Variants in PLCXD3 observed in about 807,000 individuals in gnomAD.
PLCXD3 encodes phosphatidylinositol specific phospholipase C X domain containing 3.
In PLCXD3, 19 loss-of-function variants were observed where a neutral mutation model predicts 25.5. That is an observed-to-expected ratio of 0.75 (90% CI 0.52 to 1.09). PLCXD3 has a LOEUF of 1.09. PLCXD3 is among the 50% of genes least tolerant of loss of function. The pLI is 0.00. For missense variants in PLCXD3, 411 were observed against 388.1 expected (o/e 1.06, Z -0.50); for synonymous variants, 174 against 137.6 (o/e 1.26, Z -1.85).
intron 1 of PLCXD3, among the ~76,000 whole-genome samples, chr5:41,435,449 G>C (rs1747224976): frequency 6.6e-6 from 1 of 152,164 alleles, no homozygotes; most frequent in Admixed American, 6.5e-5. Context: ...GAGGTTCACG[G>C]AGCACCACCC....
intron 2 of PLCXD3, among the ~76,000 whole-genome samples, chr5:41,338,217 G>A (rs1744038061): frequency 6.6e-6 from 1 of 152,116 alleles, no homozygotes; most frequent in Admixed American, 6.6e-5. Flanking sequence ...AATGCTTCAT[G>A]AGAGATTAAA....
chr5:41,469,077 T>A (rs1309794498), intron 1 of PLCXD3, among the ~76,000 whole-genome samples: 1 of 152,190 alleles, frequency 6.6e-6, no homozygotes, highest in African/African-American at 2.4e-5. Flanking sequence ...TGAGAGGTTT[T>A]ATCATGAATA....
At chr5:41,489,778 T>G (rs1255395018) in intron 1 of PLCXD3, among the ~76,000 whole-genome samples, 1 of 151,724 alleles carries the variant, frequency 6.6e-6, no homozygotes, top group African/African-American at 2.4e-5. Flanking sequence ...TTTTGTACAT[T>G]GATTTTGTAT....
intron 1 of PLCXD3, among the ~76,000 whole-genome samples, chr5:41,457,387 A>G (rs1747776892): frequency 6.6e-6 from 1 of 151,958 alleles, no homozygotes; most frequent in African/African-American, 2.4e-5. Context: ...TTAGCTATCA[A>G]CATGAAGTTC....
At chr5:41,357,043 A>G (rs1218256652) in intron 2 of PLCXD3, among the ~76,000 whole-genome samples, 1 of 152,254 alleles carries the variant, frequency 6.6e-6, no homozygotes, top group African/African-American at 2.4e-5. Context: ...ACCATGTGTA[A>G]GCAGACACGC....
rs149738808 is a variant in PLCXD3 at position 41,397,929 on chromosome 5, G to C, written c.104-15395C>G. On this transcript the variant is annotated intron_variant, in intron 1 of 2. Transcript: ENST00000377801. Reference sequence around the variant, plus strand: ...GGTCAATTTCTCCCTTTTGGAATGGGAGGATTTATCCAATGCCTATTGCAT... The same window carrying C: ...GGTCAATTTCTCCCTTTTGGAATGGCAGGATTTATCCAATGCCTATTGCAT... Among the ~76,000 whole-genome samples the C allele has an allele frequency of 3.7e-4, 57 of 152,320 alleles. No homozygotes were observed. The East Asian group carries it at 7.3e-3, about 20-fold the overall frequency.
intron 1 of PLCXD3, among the ~76,000 whole-genome samples, chr5:41,506,920 A>G (rs187198630): frequency 1.9e-4 from 29 of 152,286 alleles, no homozygotes; most frequent in Admixed American, 1.6e-3. Flanking sequence ...ATTGTGGCCA[A>G]TATTTTATTA....
intron 2 of PLCXD3, 140 bp from the exon 3 acceptor site, chr5:41,313,910 A>C: frequency 1.0e-6 from 1 of 956,558 alleles, no homozygotes; most frequent in Non-Finnish European, 1.5e-6. Context: ...AAAAGGCCAA[A>C]TGGACTCTGG....
At chr5:41,427,968 T>C (rs1343152195) in intron 1 of PLCXD3, among the ~76,000 whole-genome samples, 1 of 152,186 alleles carries the variant, frequency 6.6e-6, no homozygotes, top group East Asian at 1.9e-4. Context: ...ATACATTTAG[T>C]CCCTCTTAGG....
At chr5:41,446,176 CAAAAAA>C (rs70988847) in intron 1 of PLCXD3, among the ~76,000 whole-genome samples, 29 of 38,124 alleles carry the variant, frequency 7.6e-4, no homozygotes, top group East Asian at 3.3e-3. Context: ...GACTCCTTCT[CAAAAAA>C]AAAAAAAAAA....
At chr5:41,313,896 G>A in intron 2 of PLCXD3, 126 bp from the exon 3 acceptor site, 3 of 1,156,148 alleles carry the variant, frequency 2.6e-6, no homozygotes, top group South Asian at 3.5e-5. Context: ...GGTACAGGAA[G>A]GGGAAAAGGC....
intron 2 of PLCXD3, among the ~76,000 whole-genome samples, chr5:41,356,519 T>G (rs1003607193): frequency 8.5e-5 from 13 of 152,196 alleles, no homozygotes; most frequent in Admixed American, 6.5e-4. Context: ...GTTATTCCTT[T>G]TAACTGTTCC....
intron 1 of PLCXD3, among the ~76,000 whole-genome samples, chr5:41,487,744 A>G (rs1748550825): frequency 6.6e-6 from 1 of 152,130 alleles, no homozygotes; most frequent in Admixed American, 6.6e-5. Context: ...ATCTGGAGGA[A>G]GATGCCAACG....
In PLCXD3 at chr5:41,502,049, C is replaced by T. The variant is rs552246525; in HGVS notation, c.103+8375G>A. 4.6e-5 allele frequency among the ~76,000 whole-genome samples: 7 copies of T among 152,112 alleles called. No homozygotes were observed. The East Asian group carries it at 9.6e-4, about 21-fold the overall frequency. On this transcript the variant is annotated intron_variant, in intron 1 of 2. Transcript: ENST00000377801. ...GAGCATTATTACATATATTTGTGTG[C>T]TGACTGGAATGATCCCATAGAGGTG...
At chr5:41,427,028 C>T (rs1746974549) in intron 1 of PLCXD3, among the ~76,000 whole-genome samples, 1 of 152,072 alleles carries the variant, frequency 6.6e-6, no homozygotes, top group Admixed American at 6.6e-5. Context: ...TCTCTCCTTT[C>T]TTGTTGCTAT....
Position 41,310,498 on chromosome 5 carries a change from A to G in PLCXD3, c.*3119T>C, listed in dbSNP as rs1743108738. On this transcript the variant is annotated 3_prime_UTR_variant, in exon 3 of 3. Transcript: ENST00000377801. ...TGTATCTACCACCATCTTGGCGCCC[A>G]TGTGTAGCCCTTGTGCTACAAGCTC... The G allele has an allele frequency of 6.6e-6, 1 of 152,456 alleles. No homozygotes were observed. Among genetic ancestry groups the G allele is most frequent in the Non-Finnish European group, 1.5e-5 (1 of 68,026 alleles). 9.4% of individuals were successfully genotyped at this position (152,456 alleles called of 1,614,324 possible). A position where few individuals can be genotyped will look rare whatever the true frequency, so the allele number is the denominator to read the frequency against.
At chr5:41,383,602 C>T (rs1322165659) in intron 1 of PLCXD3, among the ~76,000 whole-genome samples, 2 of 152,054 alleles carry the variant, frequency 1.3e-5, no homozygotes, top group Non-Finnish European at 2.9e-5. Flanking sequence ...GGTAGATATG[C>T]TTTAAATTCT....
In PLCXD3 at chr5:41,470,499, C is replaced by T. The variant is rs1748128048; in HGVS notation, c.103+39925G>A. 5.3e-5 allele frequency among the ~76,000 whole-genome samples: 8 copies of T among 152,256 alleles called. No homozygotes were observed. The South Asian group carries it at 1.2e-3, about 24-fold the overall frequency. On this transcript the variant is annotated intron_variant, in intron 1 of 2. Coordinates refer to ENST00000377801, the MANE Select transcript of PLCXD3 (RefSeq NM_001005473.3). ...CAGTTAGATCCACATGGCTCTTCCT[C>T]CAGCCCATACAACTGGGCAGGAATT...
intron 1 of PLCXD3, among the ~76,000 whole-genome samples, chr5:41,414,025 A>G (rs887446200): frequency 3.3e-5 from 5 of 152,012 alleles, no homozygotes; most frequent in African/African-American, 1.2e-4. Context: ...AGGACTTTTG[A>G]GTTTTTTTAG....
Sources: gnomAD v4.1 joint callset for allele counts (sites outside exome capture counted in the v4.1 genomes callset) on GRCh38, gnomAD v4.1.1 for gene constraint, MANE v1.5 for transcripts, NCBI Gene and HGNC (gene_info 2026-07-23, HGNC 2026-07-21) for gene names.